The following L3MBTL4 variants were observed in gnomAD, a reference collection of about 807,000 sequenced individuals.
The protein encoded by L3MBTL4 is lethal(3)malignant brain tumor-like protein 4.
A neutral mutation model predicts 84.5 loss-of-function variants in L3MBTL4; 70 were observed. That is an observed-to-expected ratio of 0.83 (90% CI 0.68 to 1.01). The LOEUF is 1.01. L3MBTL4 is among the 50% of genes least tolerant of loss of function. The pLI is 0.00. For synonymous variants in L3MBTL4, 274 were observed against 259.8 expected, an observed-to-expected ratio of 1.05 and a Z score of -0.52; for missense variants, 715 against 754.8, an observed-to-expected ratio of 0.95 and a Z score of 0.62.
chr18:6,238,425 C>A (rs1163886948), intron 9 of L3MBTL4, among the ~76,000 whole-genome samples: 1 of 151,868 alleles, frequency 6.6e-6, no homozygotes, highest in Non-Finnish European at 1.5e-5. Flanking sequence ...CCCAGCTACT[C>A]GGGAGGCTGA....
At chr18:6,108,596 C>T (rs1320922726) in intron 14 of L3MBTL4, among the ~76,000 whole-genome samples, 2 of 152,012 alleles carry the variant, frequency 1.3e-5, no homozygotes, top group Non-Finnish European at 2.9e-5. Flanking sequence ...GACTAGGAGT[C>T]CATCCATTAA....
chr18:6,033,286 A>T (rs2055930337), intron 16 of L3MBTL4, among the ~76,000 whole-genome samples: 1 of 152,132 alleles, frequency 6.6e-6, no homozygotes, highest in African/African-American at 2.4e-5. Context: ...TAGCATAGCT[A>T]CCTCTGCTCT....
At chr18:6,405,939 C>T (rs1341298223) in intron 1 of L3MBTL4, among the ~76,000 whole-genome samples, 2 of 152,196 alleles carry the variant, frequency 1.3e-5, no homozygotes, top group Non-Finnish European at 2.9e-5. Context: ...TTACATTCCA[C>T]GACCTACCAC....
chr18:6,399,480 C>G (rs1323239922), intron 1 of L3MBTL4, among the ~76,000 whole-genome samples: 1 of 152,008 alleles, frequency 6.6e-6, no homozygotes, highest in Non-Finnish European at 1.5e-5. Context: ...TGGCACCTAA[C>G]TGTATAAGTG....
intron 16 of L3MBTL4, among the ~76,000 whole-genome samples, chr18:6,037,625 G>A (rs745561032): frequency 1.1e-4 from 16 of 152,180 alleles, no homozygotes; most frequent in Non-Finnish European, 8.8e-5. Context: ...TGTAAATCTC[G>A]GGTTAAATTA....
At chr18:6,172,502 A>G (rs2044026155) in intron 12 of L3MBTL4, among the ~76,000 whole-genome samples, 2 of 152,160 alleles carry the variant, frequency 1.3e-5, no homozygotes, top group African/African-American at 2.4e-5. Context: ...AATAGCTGCC[A>G]TAAGAGCTAT....
chr18:6,399,790 A>G (rs2055436346), intron 1 of L3MBTL4: 1 of 152,248 alleles, frequency 6.6e-6, no homozygotes, highest in South Asian at 2.1e-4. Context: ...CAGAATACCA[A>G]TAATTTTGGC....
chr18:6,103,245 A>G (rs1014776273), intron 14 of L3MBTL4, among the ~76,000 whole-genome samples: 2 of 152,268 alleles, frequency 1.3e-5, no homozygotes, highest in African/African-American at 4.8e-5. Flanking sequence ...CTACATTACT[A>G]ACTCAATTGA....
intron 14 of L3MBTL4, among the ~76,000 whole-genome samples, chr18:6,100,125 C>T (rs28573830): frequency 0.23 from 34,473 of 152,070 alleles, 5,867 homozygotes; most frequent in African/African-American, 0.48. Context: ...AGTCATTCAA[C>T]TCCTCTGTTT....
chr18:6,125,075 A>T (rs2059645598), intron 14 of L3MBTL4, among the ~76,000 whole-genome samples: 1 of 152,156 alleles, frequency 6.6e-6, no homozygotes, highest in South Asian at 2.1e-4. Flanking sequence ...CATCTGAAAA[A>T]AACATTAGAA....
At chr18:5,988,361 G>C (rs1277146512) in intron 16 of L3MBTL4, among the ~76,000 whole-genome samples, 1 of 152,174 alleles carries the variant, frequency 6.6e-6, no homozygotes, top group East Asian at 1.9e-4. Context: ...TTCTACGATT[G>C]TTGGAGGGGC....
At chr18:6,089,726 T>A (rs1015599554) in intron 15 of L3MBTL4, among the ~76,000 whole-genome samples, 1 of 152,198 alleles carries the variant, frequency 6.6e-6, no homozygotes, top group Non-Finnish European at 1.5e-5. Flanking sequence ...ATTAACACTA[T>A]GATGTACACA....
chr18:6,374,922 T>C (rs984012659), intron 1 of L3MBTL4, among the ~76,000 whole-genome samples: 1 of 152,238 alleles, frequency 6.6e-6, no homozygotes, highest in Admixed American at 6.5e-5. Flanking sequence ...ATTAATTCAG[T>C]ATTTAAATGA....
At chr18:6,107,482 C>T (rs763189509) in intron 14 of L3MBTL4, among the ~76,000 whole-genome samples, 3 of 152,082 alleles carry the variant, frequency 2.0e-5, no homozygotes, top group Non-Finnish European at 2.9e-5. Flanking sequence ...AGCATGCAGG[C>T]GGTCTGGGTA....
chr18:6,413,245 C>T (rs2056045235), intron 1 of L3MBTL4, among the ~76,000 whole-genome samples: 1 of 152,178 alleles, frequency 6.6e-6, no homozygotes, highest in South Asian at 2.1e-4. Context: ...TTTCTTGTGA[C>T]CCCAATATTG....
chr18:6,148,615 T>C lies in L3MBTL4; in HGVS notation c.1097-10319A>G, dbSNP rs376999832. 8.7e-4 allele frequency among the ~76,000 whole-genome samples: 133 copies of C among 152,096 alleles called. No individual in the cohort carries two copies. The South Asian group carries it at 0.013, about 15-fold the overall frequency. ...TAATTTTTCTATGTTTATTTTGTAG[T>C]GAGGGGGGTCATGCTATGTTGCCTA... On this transcript the variant is annotated intron_variant, in intron 13 of 18. Coordinates refer to ENST00000317931, the MANE Select transcript of L3MBTL4 (RefSeq NM_001330559.2).
intron 16 of L3MBTL4, among the ~76,000 whole-genome samples, chr18:6,015,356 C>A (rs1004442680): frequency 5.3e-5 from 8 of 151,976 alleles, no homozygotes; most frequent in African/African-American, 1.9e-4. Context: ...GAGAAGATTG[C>A]AGAAGGTGGG....
intron 16 of L3MBTL4, chr18:6,017,837 C>T (rs1356112584): frequency 6.6e-6 from 1 of 152,166 alleles, no homozygotes; most frequent in Non-Finnish European, 1.5e-5. Context: ...GAAACCAGAG[C>T]TTGAGAGCAA....
At chr18:6,122,615 A>G (rs564561671) in intron 14 of L3MBTL4, among the ~76,000 whole-genome samples, 42 of 152,274 alleles carry the variant, frequency 2.8e-4, no homozygotes, top group African/African-American at 1.0e-3. Flanking sequence ...GTGGAACTGT[A>G]AGTCAAATTA....
Sources: allele counts gnomAD v4.1 joint callset (sites outside exome capture counted in the v4.1 genomes callset), GRCh38; gene constraint gnomAD v4.1.1; transcripts MANE v1.5; gene names NCBI Gene and HGNC (gene_info 2026-07-23, HGNC 2026-07-21).